Variants in BLTP1 observed in about 807,000 individuals in gnomAD.
The protein encoded by BLTP1 is fragile site-associated protein.
At chr4:122,246,668 TTG>T in the BLTP1 span, 5 of 1,600,082 alleles carry the variant, frequency 3.1e-6, no homozygotes, top group Admixed American at 1.7e-5. Context: ...TTCTGAAATT[TTG>T]TGTGTGTGTT....
chr4:122,270,489 C>A, the BLTP1 span: 1 of 352,870 alleles, frequency 2.8e-6, no homozygotes, highest in Non-Finnish European at 4.0e-6. Flanking sequence ...GAGGATTTGC[C>A]AAAATAATTT....
At chr4:122,313,825 T>C in the BLTP1 span, 5 of 417,184 alleles carry the variant, frequency 1.2e-5, no homozygotes, top group Non-Finnish European at 2.0e-5. Context: ...CATTTGTATT[T>C]ATTTAACAAT....
the BLTP1 span, chr4:122,301,451 T>A: frequency 9.8e-7 from 1 of 1,020,848 alleles, no homozygotes; most frequent in East Asian, 2.8e-5. Flanking sequence ...AATTAATATA[T>A]GCTTGTTATA....
At chr4:122,314,933 A>G in the BLTP1 span, among the ~76,000 whole-genome samples, 1 of 152,218 alleles carries the variant, frequency 6.6e-6, no homozygotes, top group Non-Finnish European at 1.5e-5. Context: ...CAAGATCCCA[A>G]CTGTCACCAA....
the BLTP1 span, chr4:122,185,911 C>A: frequency 1.4e-6 from 1 of 712,178 alleles, no homozygotes; most frequent in Non-Finnish European, 2.0e-6. Flanking sequence ...TAATATGCTT[C>A]TCTGTATCAT....
the BLTP1 span, among the ~76,000 whole-genome samples, chr4:122,337,396 A>C: frequency 6.6e-6 from 1 of 152,112 alleles, no homozygotes; most frequent in Non-Finnish European, 1.5e-5. Context: ...TTATAATAAA[A>C]TATTGAATAT....
chr4:122,205,499 TTCTCTCTCTCTCTC>T, the BLTP1 span, among the ~76,000 whole-genome samples: 13 of 140,826 alleles, frequency 9.2e-5, no homozygotes, highest in African/African-American at 2.7e-4. Context: ...TTCCAATTGT[TTCTCTCTCTCTCTC>T]TCTCTCTCTC....
chr4:122,198,063 T>C, the BLTP1 span: 1 of 985,326 alleles, frequency 1.0e-6, no homozygotes, highest in Non-Finnish European at 1.2e-6. Flanking sequence ...TCTTGTTTCT[T>C]GGTTCTGTCA....
the BLTP1 span, among the ~76,000 whole-genome samples, chr4:122,294,578 C>A: frequency 6.6e-6 from 1 of 152,122 alleles, no homozygotes; most frequent in Admixed American, 6.5e-5. Context: ...GCAACATCAA[C>A]CAAAAAGCCC....
At chr4:122,309,266 T>C in the BLTP1 span, 1 of 1,610,204 alleles carries the variant, frequency 6.2e-7, no homozygotes, top group Non-Finnish European at 8.5e-7. Flanking sequence ...TATTTTGCAG[T>C]CTAATCATAC....
the BLTP1 span, chr4:122,193,639 G>C: frequency 1.3e-6 from 1 of 798,202 alleles, no homozygotes; most frequent in Non-Finnish European, 1.5e-6. Flanking sequence ...TACAAAATTA[G>C]ACATTTCTTA....
chr4:122,298,969 A>C, the BLTP1 span: 1 of 985,380 alleles, frequency 1.0e-6, no homozygotes, highest in Non-Finnish European at 1.2e-6. Context: ...ACAGAAGATG[A>C]AGAGTTGGAT....
the BLTP1 span, chr4:122,359,633 TGATAAA>T: frequency 1.9e-6 from 3 of 1,612,936 alleles, no homozygotes; most frequent in Non-Finnish European, 2.5e-6. Context: ...ACAATTCCTC[TGATAAA>T]GATAGAGAAG....
the BLTP1 span, among the ~76,000 whole-genome samples, chr4:122,213,601 A>G: frequency 0.064 from 9,754 of 152,120 alleles, 878 homozygotes; most frequent in African/African-American, 0.2. Context: ...TAAACTAGGA[A>G]AAAAATCACT....
the BLTP1 span, chr4:122,176,003 G>A: frequency 1.1e-5 from 8 of 738,866 alleles, no homozygotes; most frequent in Admixed American, 1.8e-4. Context: ...TGACCAGTTA[G>A]AAAAGTTTAA....
chr4:122,186,918 C>T, the BLTP1 span: 1 of 680,320 alleles, frequency 1.5e-6, no homozygotes, highest in Non-Finnish European at 1.8e-6. Flanking sequence ...AGTTTTCTTA[C>T]TCTTGGCTTA....
At chr4:122,216,742 T>C in the BLTP1 span, among the ~76,000 whole-genome samples, 2 of 152,238 alleles carry the variant, frequency 1.3e-5, no homozygotes, top group African/African-American at 4.8e-5. Flanking sequence ...TTATTTCTTT[T>C]GCTGTGCAGA....
At chr4:122,187,875 G>A in the BLTP1 span, 16 of 1,548,582 alleles carry the variant, frequency 1.0e-5, no homozygotes, top group Middle Eastern at 1.7e-4. Context: ...TCTCTTATCT[G>A]TTTATTTTTT....
chr4:122,356,638 A>G, the BLTP1 span: 1 of 1,612,430 alleles, frequency 6.2e-7, no homozygotes, highest in Non-Finnish European at 8.5e-7. Context: ...CCTGAAGCCA[A>G]AAGTAGAATG....
Sources: gnomAD v4.1 joint callset for allele counts (sites outside exome capture counted in the v4.1 genomes callset) on GRCh38, gnomAD v4.1.1 for gene constraint, MANE v1.5 for transcripts, NCBI Gene and HGNC (gene_info 2026-07-23, HGNC 2026-07-21) for gene names.